Variants in LHPP observed in about 807,000 individuals in gnomAD.
LHPP encodes the protein hLHPP.
In LHPP, 24 loss-of-function variants were observed where a neutral mutation model predicts 30.3. That is an observed-to-expected ratio of 0.79 (90% CI 0.57 to 1.11). The LOEUF (loss-of-function observed/expected upper bound fraction) is 1.11, where lower values mean the gene tolerates loss of function less well. Among genes scored for constraint, LHPP ranks in the 50% most tolerant of loss-of-function variants. The pLI, the probability that LHPP is intolerant of heterozygous loss-of-function variation, is 0.00. For missense variants in LHPP, 356 were observed against 367.2 expected (o/e 0.97, Z 0.25); for synonymous variants, 150 against 157.1 (o/e 0.95, Z 0.34).
intron 6 of LHPP, among the ~76,000 whole-genome samples, chr10:124,591,535 C>G (rs1948882333): frequency 6.6e-6 from 1 of 152,100 alleles, no homozygotes; most frequent in African/African-American, 2.4e-5. Flanking sequence ...ATTGTGGACA[C>G]TGAGGCCCAG....
rs1401354805 is a variant in LHPP, at chr10:124,471,437, T to A, written c.125+9450T>A. Among the ~76,000 whole-genome samples the A allele has an allele frequency of 8.0e-3, 28 of 3,490 alleles. 1 individual carries two copies. The highest frequency in any genetic ancestry group is 0.021 in the Non-Finnish European group (2 of 96). 2.3% of individuals were successfully genotyped at this position (3,490 alleles called of 152,430 possible). On this transcript the variant is annotated intron_variant, in intron 1 of 6. Transcript: ENST00000368842. ...TATATATTATATATATATTTATATA[T>A]TATATATATTTATATATTTATATAT...
In LHPP at chr10:124,584,903, C is replaced by T. The variant is rs995376631; in HGVS notation, c.717-28361C>T. 1.8e-4 allele frequency among the ~76,000 whole-genome samples: 28 copies of T among 152,170 alleles called. 1 individual carries two copies. Among genetic ancestry groups the T allele is most frequent in the Admixed American group, 1.4e-3 (21 of 15,270 alleles). On this transcript the variant is annotated intron_variant, in intron 6 of 6. Coordinates refer to ENST00000368842, the MANE Select transcript of LHPP (RefSeq NM_022126.4). ...GTGGAAAATTCCACCCCTGTCCTCA[C>T]GCGATGGGTCGCAGTCAAAACCCAA...
chr10:124,497,017 C>G lies in LHPP; in HGVS notation c.524C>G (p.Ala175Gly), dbSNP rs200079884. The G allele has an allele frequency of 6.2e-7, 1 of 1,613,736 alleles. No individual in the cohort carries two copies. The highest frequency in any genetic ancestry group is 8.5e-7 in the Non-Finnish European group (1 of 1,179,640). The change falls in exon 4 of 7, where the codon GCG becomes GGG. Residue 175 changes from alanine (A) to glycine (G), a missense_variant. Physicochemically the swap from Ala to Gly is moderately conservative, Grantham distance 60 (BLOSUM62 0). Transcript: ENST00000368842. Reference sequence around the variant, plus strand: ...CTGGACGTTGGTCCCTACATGAAGGCGCTTGAGGTACCAGCCCTGGTTCTG... The same window carrying G: ...CTGGACGTTGGTCCCTACATGAAGGGGCTTGAGGTACCAGCCCTGGTTCTG... ...LMLDVGPYMK[A>G]LEYACGIKAE...
At chr10:124,499,246 C>T (rs1953830233) in intron 5 of LHPP, among the ~76,000 whole-genome samples, 1 of 151,876 alleles carries the variant, frequency 6.6e-6, no homozygotes, top group African/African-American at 2.4e-5. Context: ...GTTTTAAACT[C>T]CTAGCTCAAG....
intron 6 of LHPP, among the ~76,000 whole-genome samples, chr10:124,563,282 A>G (rs1377835031): frequency 6.7e-6 from 1 of 150,112 alleles, no homozygotes; most frequent in Admixed American, 6.8e-5. Flanking sequence ...GTACTCAGCA[A>G]TAAAAAGAAA....
rs897833565 is a variant in LHPP at position 124,593,152 on chromosome 10, A to C, written c.717-20112A>C. Among the ~76,000 whole-genome samples, 3 of 152,160 alleles carry C rather than the reference A, an allele frequency of 2.0e-5. No homozygotes were observed. Among genetic ancestry groups the C allele is most frequent in the African/African-American group, 7.2e-5 (3 of 41,428 alleles). On this transcript the variant is annotated intron_variant, in intron 6 of 6. Transcript: ENST00000368842. This position sits in a 1 kb window ranked among gnomAD's most constrained non-coding sequence, Gnocchi z 4.9. ...TCTCCCCATCTGTGTGGAGGAACTG[A>C]TGAAGACAGCACATGCCCCCTGCCC...
chr10:124,559,036 C>T (rs1948349442), intron 6 of LHPP, among the ~76,000 whole-genome samples: 1 of 152,344 alleles, frequency 6.6e-6, no homozygotes, highest in East Asian at 1.9e-4. Context: ...TGGCCCTATT[C>T]TCCCATCTGG....
At chr10:124,551,473 A>G (rs989052184) in intron 6 of LHPP, among the ~76,000 whole-genome samples, 2 of 152,136 alleles carry the variant, frequency 1.3e-5, no homozygotes, top group East Asian at 3.9e-4. Flanking sequence ...GCGGGGGGGC[A>G]GAGCCTGCCA....
intron 5 of LHPP, among the ~76,000 whole-genome samples, chr10:124,513,149 G>A (rs1272365761): frequency 6.6e-6 from 1 of 152,074 alleles, no homozygotes; most frequent in Non-Finnish European, 1.5e-5. Flanking sequence ...GAGTGCAATG[G>A]TTGCAATCTT....
In LHPP at chr10:124,517,048, A is replaced by G. The variant is rs1255160921; in HGVS notation, c.625-132A>G. On this transcript the variant is annotated intron_variant, in intron 5 of 6. Transcript: ENST00000368842. This position sits in a 1 kb window ranked among gnomAD's most constrained non-coding sequence, Gnocchi z 4.1. ...TTTTAATCAATACGATGACAATATTATCTTGTTTAATTTGTATGATGGTGG... is the reference window on the plus strand; with the variant it reads ...TTTTAATCAATACGATGACAATATTGTCTTGTTTAATTTGTATGATGGTGG... 1 of 606,694 alleles carries G rather than the reference A, an allele frequency of 1.6e-6. No homozygotes were observed. Among genetic ancestry groups the G allele is most frequent in the Non-Finnish European group, 2.8e-6 (1 of 351,430 alleles). 37.6% of individuals were successfully genotyped at this position (606,694 alleles called of 1,614,324 possible). A position where few individuals can be genotyped will look rare whatever the true frequency, so the allele number is the denominator to read the frequency against.
chr10:124,598,426 C>T (rs966979450), intron 6 of LHPP, among the ~76,000 whole-genome samples: 5 of 152,240 alleles, frequency 3.3e-5, no homozygotes, highest in African/African-American at 1.2e-4. Context: ...GAGTGTGGCA[C>T]TGTGAGCCTG....
chr10:124,485,148 A>G (rs1953283971), intron 2 of LHPP, among the ~76,000 whole-genome samples: 1 of 152,084 alleles, frequency 6.6e-6, no homozygotes, highest in Admixed American at 6.6e-5. Context: ...TCGACTTCAT[A>G]GCCCTGGTGC....
At chr10:124,470,377 G>C (rs1952692012) in intron 1 of LHPP, among the ~76,000 whole-genome samples, 1 of 147,656 alleles carries the variant, frequency 6.8e-6, no homozygotes, top group Non-Finnish European at 1.5e-5. Context: ...TTCCCACCCA[G>C]GACCGCCCCG....
chr10:124,569,415 G>T (rs1948548139), intron 6 of LHPP, among the ~76,000 whole-genome samples: 1 of 152,196 alleles, frequency 6.6e-6, no homozygotes, highest in Non-Finnish European at 1.5e-5. Flanking sequence ...AGGCATTGCT[G>T]CAGGGCCTGC....
At position 124,609,149 on chromosome 10, in the gene LHPP, T is replaced by TTAC. The variant is rs1270802117; in HGVS notation, c.717-4113_717-4111dup. On this transcript the variant is annotated intron_variant, in intron 6 of 6. Coordinates refer to ENST00000368842, the MANE Select transcript of LHPP (RefSeq NM_022126.4). ...GCTTCCATTTGGTCTCTCTTGCATATTACTCTCTTCTTTTTACACCCCTTT... is the reference window on the plus strand; with the variant it reads ...GCTTCCATTTGGTCTCTCTTGCATATTACTACTCTCTTCTTTTTACACCCCTTT... Among the ~76,000 whole-genome samples, 9 of 152,330 alleles carry TTAC rather than the reference T, an allele frequency of 5.9e-5. No homozygotes were observed. In the East Asian group the frequency reaches 1.5e-3, roughly 26 times the overall value.
At chr10:124,556,260 T>C (rs1948297243) in intron 6 of LHPP, among the ~76,000 whole-genome samples, 1 of 152,230 alleles carries the variant, frequency 6.6e-6, no homozygotes, top group South Asian at 2.1e-4. Context: ...CTCTGTGTTC[T>C]AGTCCACAGG....
At chr10:124,480,647 C>T (rs535436221) in intron 1 of LHPP, among the ~76,000 whole-genome samples, 5 of 152,250 alleles carry the variant, frequency 3.3e-5, no homozygotes, top group South Asian at 2.1e-4. Flanking sequence ...TACAAGGTGA[C>T]GCTATTAGTT....
chr10:124,485,768 T>G (rs1054721378), intron 2 of LHPP, among the ~76,000 whole-genome samples: 24 of 152,030 alleles, frequency 1.6e-4, no homozygotes, highest in Non-Finnish European at 1.8e-4. Context: ...GCCCGCCTAA[T>G]TTTTGTATTT....
At chr10:124,549,433 G>A (rs1955426069) in intron 6 of LHPP, among the ~76,000 whole-genome samples, 1 of 149,282 alleles carries the variant, frequency 6.7e-6, no homozygotes, top group African/African-American at 2.5e-5. Context: ...GCAAGACCCT[G>A]TCTCAAAAAA....
Sources: gnomAD v4.1 joint callset for allele counts (sites outside exome capture counted in the v4.1 genomes callset) on GRCh38, gnomAD v4.1.1 for gene constraint, Gnocchi (gnomAD v3.1) non-coding constraint, MANE v1.5 for transcripts, NCBI Gene and HGNC (gene_info 2026-07-23, HGNC 2026-07-21) for gene names.